SLC9C1: variants seen among roughly 807,000 people sequenced by gnomAD.
SLC9C1 encodes solute carrier family 9 member C1, also known as sodium/hydrogen exchanger 10.
A neutral mutation model predicts 140.9 loss-of-function variants in SLC9C1; 97 were observed. The ratio of observed to expected loss-of-function variants is 0.69; its 90% CI spans 0.58 to 0.82. The LOEUF is 0.82. Among genes scored for constraint, SLC9C1 ranks in the 40% least tolerant of loss-of-function variants. The pLI, the probability that SLC9C1 is intolerant of heterozygous loss-of-function variation, is 0.00. For missense variants in SLC9C1, 1,340 were observed against 1,389.3 expected (o/e 0.96, Z 0.56); for synonymous variants, 440 against 442.6 (o/e 0.99, Z 0.07).
At chr3:112,251,348 G>A (rs2079451622) in intron 10 of SLC9C1, among the ~76,000 whole-genome samples, 1 of 152,056 alleles carries the variant, frequency 6.6e-6, no homozygotes, top group Non-Finnish European at 1.5e-5. Flanking sequence ...TTCTCCCATG[G>A]ATCTTTGCAA....
intron 3 of SLC9C1, among the ~76,000 whole-genome samples, 194 bp downstream of exon 3, chr3:112,280,489 T>A (rs2080328775): frequency 6.6e-6 from 1 of 152,172 alleles, no homozygotes; most frequent in Non-Finnish European, 1.5e-5. Flanking sequence ...CTTTTGCAGA[T>A]CTCAGCTAGA....
rs1268095530 is a variant in SLC9C1 at position 112,231,591 on chromosome 3, GCAAATCTGGTAGATAAGAAAAATGTT to G, written c.1447-131_1447-106del. 4 of 1,093,534 alleles carry G rather than the reference GCAAATCTGGTAGATAAGAAAAATGTT, an allele frequency of 3.7e-6. No homozygotes were observed. In the Admixed American group the frequency reaches 1.0e-4, roughly 28 times the overall value. The allele number at this position is 1,093,534 out of a possible 1,614,324, so 67.7% of individuals were successfully genotyped here. ...TACCAGTTTGCATTGAAAAATGGTA[GCAAATCTGGTAGATAAGAAAAATGTT>G]CAGATCCTCATCATTTGCTCAAATG... On this transcript the variant is annotated intron_variant, in intron 12 of 28. Transcript: ENST00000305815.
intron 15 of SLC9C1, among the ~76,000 whole-genome samples, chr3:112,214,209 G>C (rs1440924437): frequency 6.6e-6 from 1 of 152,200 alleles, no homozygotes; most frequent in African/African-American, 2.4e-5. Flanking sequence ...ATTTAAAGCA[G>C]TGTGTAGAGG....
chr3:112,278,849 T>C lies in SLC9C1; in HGVS notation c.198A>G (p.Arg66=), dbSNP rs776276266. 6.9e-6 allele frequency: 11 copies of C among 1,604,534 alleles called. No individual in the cohort carries two copies. The highest frequency in any genetic ancestry group is 9.3e-6 in the Non-Finnish European group (11 of 1,176,988). Residue 66 remains arginine, a synonymous_variant, in exon 4 of 29, where the codon AGA becomes AGG. Transcript: ENST00000305815. ...VLSFTSSQVQ[R]YANAIQWMSP... is the part of the protein sequence containing the mutation. Reference sequence around the variant, plus strand: ...TCATCCATTGTATGGCGTTTGCGTATCTTTGGACCTAATATTATACAAATA... The same window carrying C: ...TCATCCATTGTATGGCGTTTGCGTACCTTTGGACCTAATATTATACAAATA...
chr3:112,272,614 A>G (rs2080106552), intron 6 of SLC9C1, among the ~76,000 whole-genome samples: 1 of 152,180 alleles, frequency 6.6e-6, no homozygotes. Context: ...AGAAAGTCCT[A>G]ATGTCTAAAA....
In SLC9C1 at chr3:112,171,241, G is replaced by T. The variant is rs115271609; in HGVS notation, c.2920-1913C>A. Among the ~76,000 whole-genome samples the T allele has an allele frequency of 4.6e-3, 694 of 151,974 alleles. 2 individuals carry two copies. The highest frequency in any genetic ancestry group is 0.016 in the African/African-American group (671 of 41,484). ...AAAAAAAAAAGAAAAGAAAAGAAAA[G>T]AAAATTTTAGTTGCTCCACGTCCTT... On this transcript the variant is annotated intron_variant, in intron 23 of 28. Transcript: ENST00000305815.
chr3:112,232,626 C>T (rs552583085), intron 12 of SLC9C1, among the ~76,000 whole-genome samples: 3 of 152,016 alleles, frequency 2.0e-5, no homozygotes, highest in African/African-American at 7.2e-5. Context: ...AGAAGTTGGC[C>T]CCTCATATTG....
chr3:112,167,470 T>C (rs1292826709), intron 25 of SLC9C1, 123 bp from the exon 26 acceptor site: 1 of 936,300 alleles, frequency 1.1e-6, no homozygotes, highest in African/African-American at 1.7e-5. Context: ...TATTAACAAA[T>C]CAACACAAAT....
intron 12 of SLC9C1, among the ~76,000 whole-genome samples, chr3:112,236,301 G>A (rs1262458556): frequency 2.0e-5 from 3 of 152,048 alleles, no homozygotes; most frequent in Non-Finnish European, 4.4e-5. Context: ...TATTTCTGTG[G>A]GAGTGGTGGT....
At chr3:112,240,685 G>C (rs969481108) in intron 11 of SLC9C1, among the ~76,000 whole-genome samples, 1 of 152,074 alleles carries the variant, frequency 6.6e-6, no homozygotes, top group Non-Finnish European at 1.5e-5. Context: ...CATACTTTGG[G>C]ACTTAGCTTC....
At chr3:112,203,269 A>G (rs897110824) in intron 17 of SLC9C1, among the ~76,000 whole-genome samples, 3 of 151,920 alleles carry the variant, frequency 2.0e-5, no homozygotes, top group Non-Finnish European at 4.4e-5. Context: ...AACTTTTCTA[A>G]GTTGTTTTAT....
intron 7 of SLC9C1, among the ~76,000 whole-genome samples, chr3:112,267,298 C>T (rs2079944882): frequency 1.3e-5 from 2 of 151,318 alleles, no homozygotes; most frequent in African/African-American, 2.4e-5. Flanking sequence ...GAGACAGGGC[C>T]GGGCGTGGTG....
At chr3:112,158,353 A>G (rs2075185715) in intron 26 of SLC9C1, among the ~76,000 whole-genome samples, 1 of 152,068 alleles carries the variant, frequency 6.6e-6, no homozygotes, top group Non-Finnish European at 1.5e-5. Context: ...CCATCTTTGC[A>G]TCCTTGAGAT....
intron 13 of SLC9C1, among the ~76,000 whole-genome samples, chr3:112,224,871 G>A (rs902550455): frequency 1.3e-5 from 2 of 152,000 alleles, no homozygotes; most frequent in Non-Finnish European, 2.9e-5. Flanking sequence ...GAACCCAAGA[G>A]AGCTCATGGG....
intron 11 of SLC9C1, among the ~76,000 whole-genome samples, chr3:112,242,684 G>A (rs964718248): frequency 1.3e-5 from 2 of 152,062 alleles, no homozygotes; most frequent in Non-Finnish European, 2.9e-5. Flanking sequence ...GAGCACAATT[G>A]GATTGTTTGT....
At position 112,278,862 on chromosome 3, in the gene SLC9C1, T is replaced by TATTATACA. The variant is rs747090318; in HGVS notation, c.190-13_190-6dup. 5 of 1,600,600 alleles carry TATTATACA rather than the reference T, an allele frequency of 3.1e-6. No individual in the cohort carries two copies. Among genetic ancestry groups the TATTATACA allele is most frequent in the Non-Finnish European group, 4.3e-6 (5 of 1,175,782 alleles). On this transcript the variant is annotated splice_region_variant and splice_polypyrimidine_tract_variant and intron_variant, in intron 3 of 28. Transcript: ENST00000305815. Reference sequence around the variant, plus strand: ...GGCGTTTGCGTATCTTTGGACCTAATATTATACAAATATATCATCTTCTCA... The same window carrying TATTATACA: ...GGCGTTTGCGTATCTTTGGACCTAATATTATACAATTATACAAATATATCATCTTCTCA...
chr3:112,165,188 G>T (rs1560019617), intron 26 of SLC9C1, among the ~76,000 whole-genome samples: 1 of 152,012 alleles, frequency 6.6e-6, no homozygotes. Context: ...TTTTTTTCAA[G>T]GTTTTTAACT....
intron 26 of SLC9C1, among the ~76,000 whole-genome samples, chr3:112,163,219 C>G (rs1349791611): frequency 1.4e-5 from 2 of 147,892 alleles, no homozygotes; most frequent in African/African-American, 5.0e-5. Context: ...TTTCAAAAAA[C>G]CAGCTCCTGG....
intron 15 of SLC9C1, among the ~76,000 whole-genome samples, chr3:112,213,439 A>C (rs1459971806): frequency 6.6e-6 from 1 of 152,166 alleles, no homozygotes; most frequent in Non-Finnish European, 1.5e-5. Flanking sequence ...AAGACCCATC[A>C]GTGTTCTGTA....
Sources: gnomAD v4.1 joint callset for allele counts (sites outside exome capture counted in the v4.1 genomes callset) on GRCh38, gnomAD v4.1.1 for gene constraint, MANE v1.5 for transcripts, NCBI Gene and HGNC (gene_info 2026-07-23, HGNC 2026-07-21) for gene names.